The following PER2 variants were observed in gnomAD, a reference collection of about 807,000 sequenced individuals.
PER2 encodes the protein period circadian protein homolog 2.
In PER2, 66 loss-of-function variants were observed where a neutral mutation model predicts 121.0. The observed-to-expected ratio is 0.55, with a 90% CI of 0.45 to 0.67. The LOEUF (loss-of-function observed/expected upper bound fraction) is 0.67, where lower values mean the gene tolerates loss of function less well. Ranked by LOEUF, PER2 falls within the 30% of genes least tolerant of loss-of-function variation. The probability of loss-of-function intolerance (pLI) is 0.00; values close to 1 mark genes in which losing one functional copy is unlikely to be tolerated. For missense variants in PER2, 1,521 were observed against 1,635.0 expected, an observed-to-expected ratio of 0.93 and a Z score of 1.20; for synonymous variants, 684 against 659.9, an observed-to-expected ratio of 1.04 and a Z score of -0.56.
In PER2 at chr2:238,246,331, A is replaced by G; in HGVS notation, c.*44T>C. 1 of 1,492,066 alleles carries G rather than the reference A, an allele frequency of 6.7e-7. No individual in the cohort carries two copies. The highest frequency in any genetic ancestry group is 1.4e-5 in the African/African-American group (1 of 72,178). The allele number at this position is 1,492,066 out of a possible 1,614,324, so 92.4% of individuals were successfully genotyped here. The stretch of plus-strand genomic sequence containing the variant: ...AGATCTTTCATCTCTTCCAAGCACC[A>G]CCTGGTGTACCTCGCTGGCTGCCGG... On this transcript the variant is annotated 3_prime_UTR_variant, in exon 23 of 23. Transcript: ENST00000254657.
intron 6 of PER2, among the ~76,000 whole-genome samples, chr2:238,270,100 C>A (rs1696237842): frequency 6.6e-6 from 1 of 152,170 alleles, no homozygotes. Context: ...TCTAAGAAAC[C>A]GAATTTGTCA....
At chr2:238,248,674 G>A (rs1031124468) in intron 22 of PER2, among the ~76,000 whole-genome samples, 3 of 65,376 alleles carry the variant, frequency 4.6e-5, no homozygotes, top group African/African-American at 1.6e-4. Flanking sequence ...TTTTTTTTTT[G>A]AGACAGAGTC....
Position 238,277,209 on chromosome 2 carries a change from A to T in PER2, c.231-16T>A, listed in dbSNP as rs780724096. The T allele has an allele frequency of 1.3e-6, 2 of 1,584,548 alleles. No individual in the cohort carries two copies. The highest frequency in any genetic ancestry group is 2.2e-5 in the South Asian group (2 of 90,504). ...GGTATCTGGACTATGAAAACAAAAAATAAAAGCAAAATTTAGACAATTGTA... is the reference window on the plus strand; with the variant it reads ...GGTATCTGGACTATGAAAACAAAAATTAAAAGCAAAATTTAGACAATTGTA... On this transcript the variant is annotated splice_polypyrimidine_tract_variant and intron_variant, in intron 2 of 22. Transcript: ENST00000254657.
intron 1 of PER2, among the ~76,000 whole-genome samples, chr2:238,280,455 G>C (rs567653991): frequency 1.1e-4 from 16 of 152,342 alleles, no homozygotes; most frequent in African/African-American, 3.8e-4. Context: ...TGCCACAGAG[G>C]AAGCAGCAAA....
chr2:238,260,259 ATTTTTT>A (rs374038428), intron 13 of PER2, among the ~76,000 whole-genome samples: 1 of 144,040 alleles, frequency 6.9e-6, no homozygotes, highest in Admixed American at 7.0e-5. Context: ...GGCACATTAC[ATTTTTT>A]TTTTTTTTTA....
In PER2 at chr2:238,270,176, T is replaced by C. The variant is rs533654530; in HGVS notation, c.772+1136A>G. On this transcript the variant is annotated intron_variant, in intron 6 of 22. Transcript: ENST00000254657. The stretch of plus-strand genomic sequence containing the variant: ...TAGGTGTGCAGAGGCCTGGCCACAG[T>C]GAAACAGAAGCCCCAAACATTTCAT... Among the ~76,000 whole-genome samples, 62 of 152,338 alleles carry C rather than the reference T, an allele frequency of 4.1e-4. 1 individual carries two copies. The East Asian group carries it at 8.9e-3, about 22-fold the overall frequency.
At chr2:238,276,202 C>T (rs1243538875) in intron 3 of PER2, among the ~76,000 whole-genome samples, 1 of 152,070 alleles carries the variant, frequency 6.6e-6, no homozygotes, top group Non-Finnish European at 1.5e-5. Context: ...GTCTGGGTGG[C>T]CCTTGGTGGG....
chr2:238,253,805 T>G lies in PER2; in HGVS notation c.2321-103A>C. ...GGTTTCCAAATGCTGGCCCAGGGCCTGCCTGGTCCACCGAGCGGTTTTCCC... is the reference window on the plus strand; with the variant it reads ...GGTTTCCAAATGCTGGCCCAGGGCCGGCCTGGTCCACCGAGCGGTTTTCCC... On this transcript the variant is annotated intron_variant, in intron 18 of 22. Coordinates refer to ENST00000254657, the MANE Select transcript of PER2 (RefSeq NM_022817.3). This position sits in a 1 kb window ranked among gnomAD's most constrained non-coding sequence, Gnocchi z 5.6. 1 of 895,936 alleles carries G rather than the reference T, an allele frequency of 1.1e-6. No individual in the cohort carries two copies. The highest frequency in any genetic ancestry group is 1.8e-6 in the Non-Finnish European group (1 of 565,218). 55.5% of individuals were successfully genotyped at this position (895,936 alleles called of 1,614,324 possible). A position where few individuals can be genotyped will look rare whatever the true frequency, so the allele number is the denominator to read the frequency against.
intron 1 of PER2, among the ~76,000 whole-genome samples, chr2:238,286,034 G>A (rs1696772613): frequency 6.6e-6 from 1 of 152,142 alleles, no homozygotes; most frequent in African/African-American, 2.4e-5. Flanking sequence ...GAGGGAAGGA[G>A]GTGCACCGGG....
intron 4 of PER2, among the ~76,000 whole-genome samples, chr2:238,275,057 G>A (rs941265085): frequency 1.3e-5 from 2 of 152,190 alleles, no homozygotes; most frequent in African/African-American, 4.8e-5. Flanking sequence ...TACTAGTGAA[G>A]AACTTTGCCC....
In PER2 at chr2:238,276,751, GC is replaced by G. The variant is rs141331115; in HGVS notation, c.293+379del. Among the ~76,000 whole-genome samples, 677 of 152,314 alleles carry G rather than the reference GC, an allele frequency of 4.4e-3. 26 individuals carry two copies. Among genetic ancestry groups the G allele is most frequent in the Admixed American group, 0.037 (572 of 15,292 alleles). On this transcript the variant is annotated intron_variant, in intron 3 of 22. Coordinates refer to ENST00000254657, the MANE Select transcript of PER2 (RefSeq NM_022817.3). ...CAAGGTTTCTCAGGCAATGCAAAGT[GC>G]CCACATGCCCTGGACAAGGAGCCGG...
intron 8 of PER2, among the ~76,000 whole-genome samples, chr2:238,266,500 A>G (rs1358198423): frequency 1.3e-5 from 2 of 152,218 alleles, no homozygotes; most frequent in African/African-American, 4.8e-5. Flanking sequence ...GACAAAGCTG[A>G]TAGAGTAATT....
chr2:238,287,645 G>A (rs1400779885), intron 1 of PER2, among the ~76,000 whole-genome samples: 1 of 152,238 alleles, frequency 6.6e-6, no homozygotes, highest in Non-Finnish European at 1.5e-5. Flanking sequence ...AGATCCTGCA[G>A]ACAGCCTGGG....
chr2:238,285,019 G>A (rs574236354), intron 1 of PER2, among the ~76,000 whole-genome samples: 1 of 152,172 alleles, frequency 6.6e-6, no homozygotes, highest in East Asian at 1.9e-4. Context: ...GCGGGTAGGG[G>A]GAGGGAGGGT....
chr2:238,261,013 C>G, intron 12 of PER2, 60 bp from the exon 13 acceptor site: 1 of 1,583,708 alleles, frequency 6.3e-7, no homozygotes, highest in Non-Finnish European at 8.6e-7. Flanking sequence ...ATGCATGTGG[C>G]CCCCTGCCAA....
intron 1 of PER2, among the ~76,000 whole-genome samples, chr2:238,280,081 C>T (rs1454650064): frequency 6.6e-6 from 1 of 152,188 alleles, no homozygotes; most frequent in Non-Finnish European, 1.5e-5. Flanking sequence ...ACGCTTCACC[C>T]ACTGAACACC....
In PER2 at chr2:238,288,538, G is replaced by T. The variant is rs1214930326; in HGVS notation, c.-209C>A. On this transcript the variant is annotated 5_prime_UTR_variant, in exon 1 of 23. Transcript: ENST00000254657. ...AGTCCAGCAGCCCAAGGAACTTCCG[G>T]CGGCGCCTCCGCTGCCCGAGCCGGC... The T allele has an allele frequency of 1.3e-5, 2 of 151,938 alleles. No homozygotes were observed. The highest frequency in any genetic ancestry group is 4.8e-5 in the African/African-American group (2 of 41,418). 9.4% of individuals were successfully genotyped at this position (151,938 alleles called of 1,614,324 possible).
chr2:238,268,045 T>C lies in PER2; in HGVS notation c.967+11A>G. On this transcript the variant is annotated intron_variant, in intron 8 of 22. Coordinates refer to ENST00000254657, the MANE Select transcript of PER2 (RefSeq NM_022817.3). This position sits in a 1 kb window ranked among gnomAD's most constrained non-coding sequence, Gnocchi z 4.0. Reference sequence around the variant, plus strand: ...GACAACATCTGCCCTCGCCCTGGGCTTGGCTGTTACCTTCATAACCAGAGT... The same window carrying C: ...GACAACATCTGCCCTCGCCCTGGGCCTGGCTGTTACCTTCATAACCAGAGT... 1 of 1,613,718 alleles carries C rather than the reference T, an allele frequency of 6.2e-7. No homozygotes were observed. The highest frequency in any genetic ancestry group is 8.5e-7 in the Non-Finnish European group (1 of 1,179,964).
At chr2:238,285,936 A>T (rs1382471484) in intron 1 of PER2, among the ~76,000 whole-genome samples, 7 of 152,126 alleles carry the variant, frequency 4.6e-5, no homozygotes, top group African/African-American at 1.7e-4. Flanking sequence ...ATCCTGAGAA[A>T]ATGTTTGTCC....
Sources: gnomAD v4.1 joint callset for allele counts (sites outside exome capture counted in the v4.1 genomes callset) on GRCh38, gnomAD v4.1.1 for gene constraint, Gnocchi (gnomAD v3.1) non-coding constraint, MANE v1.5 for transcripts, NCBI Gene and HGNC (gene_info 2026-07-23, HGNC 2026-07-21) for gene names.